Variants in HMCN1 observed in about 807,000 individuals in gnomAD.
The protein encoded by HMCN1 is hemicentin 1, also known as hemicentin-1.
Under a neutral mutation model 625.9 loss-of-function variants are expected in HMCN1, and 321 were observed. That is an observed-to-expected ratio of 0.51 (90% CI 0.47 to 0.56). The LOEUF is 0.56. Ranked by LOEUF, HMCN1 falls within the 20% of genes least tolerant of loss-of-function variation. The pLI is 0.00. For missense variants in HMCN1, 6,588 were observed against 6,887.3 expected (o/e 0.96, Z 1.54); for synonymous variants, 2,425 against 2,417.6 (o/e 1.00, Z -0.09).
rs57317105 is a variant in HMCN1, at chr1:186,164,240, C to CTTTTTTTTT, written c.15257-862_15257-854dup. Among the ~76,000 whole-genome samples, 303 of 131,508 alleles carry CTTTTTTTTT rather than the reference C, an allele frequency of 2.3e-3. 4 individuals carry two copies. The highest frequency in any genetic ancestry group is 8.7e-3 in the African/African-American group (282 of 32,594). The allele number at this position is 131,508 out of a possible 152,430, so 86.3% of individuals were successfully genotyped here. On this transcript the variant is annotated intron_variant, in intron 97 of 106. Transcript: ENST00000271588. ...TTTGTTTCTGACATCTAACTTAAAT[C>CTTTTTTTTT]TTTTTTTTTTTTTTTTTGAGACAGA...
intron 11 of HMCN1, among the ~76,000 whole-genome samples, chr1:185,945,408 C>T (rs563899595): frequency 1.1e-4 from 16 of 152,212 alleles, no homozygotes; most frequent in Non-Finnish European, 2.2e-4. Context: ...TTTGTTTGTA[C>T]ATTTATTTAT....
intron 81 of HMCN1, 81 bp from the exon 82 acceptor site, chr1:186,125,520 GTTT>G: frequency 9.3e-7 from 1 of 1,075,872 alleles, no homozygotes; most frequent in Non-Finnish European, 1.4e-6. Context: ...CCTGAAAAGA[GTTT>G]TTTATGTGTT....
At chr1:186,124,855 C>T (rs756211326) in intron 81 of HMCN1, among the ~76,000 whole-genome samples, 4 of 151,728 alleles carry the variant, frequency 2.6e-5, no homozygotes, top group African/African-American at 4.8e-5. Context: ...ACTTTTGAAC[C>T]GAGAATTCTT....
At chr1:186,052,053 T>C (rs1350884147) in intron 42 of HMCN1, among the ~76,000 whole-genome samples, 1 of 151,794 alleles carries the variant, frequency 6.6e-6, no homozygotes, top group African/African-American at 2.4e-5. Context: ...TCATACAGAA[T>C]GATGGCAGGG....
chr1:185,858,211 T>G (rs896182826), intron 2 of HMCN1, among the ~76,000 whole-genome samples: 8 of 152,210 alleles, frequency 5.3e-5, no homozygotes, highest in Admixed American at 4.6e-4. Context: ...TCTCAGCACT[T>G]GGCTCAGAGT....
chr1:185,917,787 G>T (rs1666794528), intron 6 of HMCN1, among the ~76,000 whole-genome samples: 1 of 152,168 alleles, frequency 6.6e-6, no homozygotes, highest in South Asian at 2.1e-4. Context: ...AAATCCATCT[G>T]CAGTAGAGCT....
At chr1:186,006,007 G>T (rs193253915) in intron 29 of HMCN1, among the ~76,000 whole-genome samples, 13 of 151,954 alleles carry the variant, frequency 8.6e-5, no homozygotes, top group Non-Finnish European at 1.6e-4. Context: ...GTGGTGGCAG[G>T]TGCCTGTAAT....
At chr1:185,781,524 T>A (rs558086203) in intron 1 of HMCN1, among the ~76,000 whole-genome samples, 66 of 152,344 alleles carry the variant, frequency 4.3e-4, no homozygotes, top group African/African-American at 1.5e-3. Context: ...TTTAAATGTG[T>A]CCTGGCAATT....
intron 75 of HMCN1, among the ~76,000 whole-genome samples, chr1:186,116,277 GCA>G (rs572999667): frequency 6.6e-6 from 1 of 151,938 alleles, no homozygotes; most frequent in Non-Finnish European, 1.5e-5. Context: ...TTTCTATCAT[GCA>G]CAGTGTGAAA....
chr1:186,024,876 C>A (rs1349725647), intron 36 of HMCN1, among the ~76,000 whole-genome samples: 1 of 152,154 alleles, frequency 6.6e-6, no homozygotes, highest in East Asian at 1.9e-4. Context: ...TCTTGGAAGA[C>A]AATTTTCCCA....
intron 39 of HMCN1, among the ~76,000 whole-genome samples, 168 bp downstream of exon 39, chr1:186,040,047 A>T (rs1034159160): frequency 2.6e-5 from 4 of 152,180 alleles, no homozygotes; most frequent in African/African-American, 7.2e-5. Flanking sequence ...TGGGGTCCCC[A>T]AACAATTCAT....
chr1:186,166,224 C>G lies in HMCN1; in HGVS notation c.15360C>G (p.Ser5120Arg). The change falls in exon 99 of 107, where the codon AGC becomes AGG. Residue 5120 changes from serine to arginine, a missense_variant. Ser to Arg is a moderately radical substitution (Grantham distance 110). This residue lies in a region of HMCN1 where 1,954 missense variants were observed against 2,013.1 expected (regional missense o/e 0.97). Coordinates refer to ENST00000271588, the MANE Select transcript of HMCN1 (RefSeq NM_031935.3). ...ECAAGNPCSH[S>R]CHNAMGTYYC... The stretch of plus-strand genomic sequence containing the variant: ...CAGCAGGGAATCCCTGCTCCCATAG[C>G]TGCCACAATGCCATGGGGACTTACT... 5.0e-6 allele frequency: 8 copies of G among 1,614,148 alleles called. No homozygotes were observed. The highest frequency in any genetic ancestry group is 6.8e-6 in the Non-Finnish European group (8 of 1,180,010).
chr1:186,143,303 C>T (rs1051903366), intron 89 of HMCN1, among the ~76,000 whole-genome samples: 1 of 152,174 alleles, frequency 6.6e-6, no homozygotes, highest in Non-Finnish European at 1.5e-5. Flanking sequence ...TATTTCTGCT[C>T]ATATTTTGAT....
intron 1 of HMCN1, among the ~76,000 whole-genome samples, chr1:185,766,155 C>T (rs944978243): frequency 6.6e-6 from 1 of 152,150 alleles, no homozygotes; most frequent in African/African-American, 2.4e-5. Flanking sequence ...TATCTGGAAA[C>T]ATGGTAAACC....
intron 36 of HMCN1, among the ~76,000 whole-genome samples, chr1:186,033,676 T>C (rs531860750): frequency 6.6e-6 from 1 of 152,342 alleles, no homozygotes; most frequent in African/African-American, 2.4e-5. Flanking sequence ...TTAAAATAGC[T>C]GATTTAAAGT....
chr1:186,033,652 A>G (rs1240708837), intron 36 of HMCN1, among the ~76,000 whole-genome samples: 2 of 152,066 alleles, frequency 1.3e-5, no homozygotes, highest in Non-Finnish European at 2.9e-5. Context: ...GCAGATAGAG[A>G]GGGCCAATTG....
chr1:186,063,449 AGAAGGAAGGAAGGAAGGAAG>A (rs71798893), intron 48 of HMCN1, among the ~76,000 whole-genome samples: 2,988 of 104,324 alleles, frequency 0.029, 73 homozygotes, highest in African/African-American at 0.056. Context: ...GGACGGAGAG[AGAAGGAAGGAAGGAAGGAAG>A]GAAGGAAGGA....
At chr1:185,842,713 A>G (rs957413440) in intron 1 of HMCN1, among the ~76,000 whole-genome samples, 6 of 152,002 alleles carry the variant, frequency 3.9e-5, no homozygotes. Flanking sequence ...CCTGAGTGAC[A>G]GAGCAAGAGC....
chr1:185,747,912 C>T (rs1654527444), intron 1 of HMCN1, among the ~76,000 whole-genome samples: 1 of 152,044 alleles, frequency 6.6e-6, no homozygotes, highest in Admixed American at 6.6e-5. Context: ...GTAAGGCATG[C>T]TGATTACCAC....
Sources: gnomAD v4.1 joint callset for allele counts (sites outside exome capture counted in the v4.1 genomes callset) on GRCh38, gnomAD v4.1.1 for gene constraint, gnomAD v4.1.1 regional missense constraint, MANE v1.5 for transcripts, NCBI Gene and HGNC (gene_info 2026-07-23, HGNC 2026-07-21) for gene names.